Variants in NDUFAF5 observed in about 807,000 individuals in gnomAD.
NDUFAF5 encodes arginine-hydroxylase NDUFAF5, mitochondrial.
NDUFAF5 carries 34 observed loss-of-function variants against 48.9 expected under a neutral mutation model. That is an observed-to-expected ratio of 0.70 (90% CI 0.53 to 0.93). NDUFAF5 has a LOEUF of 0.93. Ranked by LOEUF, NDUFAF5 falls within the 40% of genes least tolerant of loss-of-function variation. NDUFAF5 has a pLI of 0.00. For synonymous variants in NDUFAF5, 153 were observed against 150.6 expected, an observed-to-expected ratio of 1.02 and a Z score of -0.12; for missense variants, 428 against 427.5, an observed-to-expected ratio of 1.00 and a Z score of -0.01.
At chr20:13,792,661 G>C (rs571365740) in intron 3 of NDUFAF5, among the ~76,000 whole-genome samples, 1 of 152,150 alleles carries the variant, frequency 6.6e-6, no homozygotes, top group Non-Finnish European at 1.5e-5. Flanking sequence ...GAGATGGAGA[G>C]AGCAGGATCC....
At chr20:13,816,440 A>G in intron 8 of NDUFAF5, 23 bp from the exon 9 acceptor site, 1 of 1,575,614 alleles carries the variant, frequency 6.3e-7, no homozygotes, top group South Asian at 1.1e-5. Context: ...TATTATCTCA[A>G]ACTACCTGTA....
rs1453177934 is a variant in NDUFAF5, at chr20:13,818,120, G to A, written c.*910G>A. 4 of 453,958 alleles carry A rather than the reference G, an allele frequency of 8.8e-6. No homozygotes were observed. The highest frequency in any genetic ancestry group is 1.3e-5 in the Non-Finnish European group (3 of 226,784). The allele number at this position is 453,958 out of a possible 1,614,324, so 28.1% of individuals were successfully genotyped here. A position where few individuals can be genotyped will look rare whatever the true frequency, so the allele number is the denominator to read the frequency against. ...TAGCATTTCCTTCTGTCTCCTCTCA[G>A]TCTCTCTTCTGCCTTCCTTCCCTCC... On this transcript the variant is annotated 3_prime_UTR_variant, in exon 11 of 11. Coordinates refer to ENST00000378106, the MANE Select transcript of NDUFAF5 (RefSeq NM_024120.5).
At position 13,817,533 on chromosome 20, in the gene NDUFAF5, A is replaced by G; in HGVS notation, c.*323A>G. ...CATGCTGACCTTTTACACCTTTTTC[A>G]TTTGTCATACTGTTTTCTTTGCCTT... On this transcript the variant is annotated 3_prime_UTR_variant, in exon 11 of 11. Transcript: ENST00000378106. 1 of 482,354 alleles carries G rather than the reference A, an allele frequency of 2.1e-6. No individual in the cohort carries two copies. The highest frequency in any genetic ancestry group is 4.1e-6 in the Non-Finnish European group (1 of 246,396). The allele number at this position is 482,354 out of a possible 1,614,324, so 29.9% of individuals were successfully genotyped here. A position where few individuals can be genotyped will look rare whatever the true frequency, so the allele number is the denominator to read the frequency against.
rs1600345787 is a variant in NDUFAF5, at chr20:13,797,497, A to G, written c.480-964A>G. 2.0e-5 allele frequency among the ~76,000 whole-genome samples: 3 copies of G among 152,230 alleles called. No individual in the cohort carries two copies. In the South Asian group the frequency reaches 6.2e-4, roughly 31 times the overall value. The stretch of plus-strand genomic sequence containing the variant: ...ACAGAAGCTAATCTGAAAAGGCTAC[A>G]TAGTGTGTAATTCCAACTGTGACAA... On this transcript the variant is annotated intron_variant, in intron 5 of 10. Transcript: ENST00000378106.
In NDUFAF5 at chr20:13,819,600, C is replaced by G. The variant is rs1986843745; in HGVS notation, c.*2390C>G. 1.3e-5 allele frequency: 2 copies of G among 152,342 alleles called. No individual in the cohort carries two copies. Among genetic ancestry groups the G allele is most frequent in the Admixed American group, 1.3e-4 (2 of 15,272 alleles). 9.4% of individuals were successfully genotyped at this position (152,342 alleles called of 1,614,324 possible). A position where few individuals can be genotyped will look rare whatever the true frequency, so the allele number is the denominator to read the frequency against. ...GCCAGGATGGTCTCAATCTCTTGACCTTGTGATCTGCCCACCTTGGCTTCC... is the reference window on the plus strand; with the variant it reads ...GCCAGGATGGTCTCAATCTCTTGACGTTGTGATCTGCCCACCTTGGCTTCC... On this transcript the variant is annotated 3_prime_UTR_variant, in exon 11 of 11. Coordinates refer to ENST00000378106, the MANE Select transcript of NDUFAF5 (RefSeq NM_024120.5).
At chr20:13,808,708 A>G in intron 7 of NDUFAF5, 134 bp from the exon 8 acceptor site, 2 of 628,764 alleles carry the variant, frequency 3.2e-6, no homozygotes, top group Non-Finnish European at 5.6e-6. Context: ...GCCAGATGAC[A>G]TCTATGAAGA....
chr20:13,816,015 TC>T (rs1158121465), intron 8 of NDUFAF5: 1 of 215,704 alleles, frequency 4.6e-6, no homozygotes, highest in African/African-American at 2.2e-5. Context: ...AAAGCCGTCT[TC>T]CAAGTTTCAC....
chr20:13,801,850 A>G (rs1383147108), intron 7 of NDUFAF5, 167 bp downstream of exon 7: 2 of 614,278 alleles, frequency 3.3e-6, no homozygotes, highest in Non-Finnish European at 5.7e-6. Flanking sequence ...TTTAGTTTGT[A>G]TAACACATCT....
rs1986563106 is a variant in NDUFAF5, at chr20:13,817,102, T to A, written c.946-16T>A. 6.2e-7 allele frequency: 1 copy of A among 1,609,938 alleles called. No homozygotes were observed. Among genetic ancestry groups the A allele is most frequent in the Middle Eastern group, 1.7e-4 (1 of 6,052 alleles). On this transcript the variant is annotated splice_polypyrimidine_tract_variant and intron_variant, in intron 10 of 10. Transcript: ENST00000378106. ...ATCTATCTATTTCTAATATCTTTAA[T>A]CTTTATTATTTTCAGGCAAGACCAG...
rs920818329 is a variant in NDUFAF5 at position 13,820,851 on chromosome 20, T to C, written c.*3641T>C. 1 of 152,250 alleles carries C rather than the reference T, an allele frequency of 6.6e-6. No individual in the cohort carries two copies. Among genetic ancestry groups the C allele is most frequent in the African/African-American group, 2.4e-5 (1 of 41,476 alleles). The allele number at this position is 152,250 out of a possible 1,614,324, so 9.4% of individuals were successfully genotyped here. A position where few individuals can be genotyped will look rare whatever the true frequency, so the allele number is the denominator to read the frequency against. ...AGATAGTTGATGCAGTGATTATTAT[T>C]CTGTTCCTTTGTAAGTTACCATTAG... On this transcript the variant is annotated 3_prime_UTR_variant, in exon 11 of 11. Coordinates refer to ENST00000378106, the MANE Select transcript of NDUFAF5 (RefSeq NM_024120.5).
At chr20:13,809,148 G>A in intron 8 of NDUFAF5, 1 of 542,786 alleles carries the variant, frequency 1.8e-6, no homozygotes, top group Non-Finnish European at 3.3e-6. Context: ...TATGGTCAGT[G>A]CTATGAAGTA....
chr20:13,798,681 G>A (rs1310957652), intron 6 of NDUFAF5, among the ~76,000 whole-genome samples, 181 bp downstream of exon 6: 1 of 152,160 alleles, frequency 6.6e-6, no homozygotes, highest in African/African-American at 2.4e-5. Flanking sequence ...TCCTTTCCCT[G>A]AGAATTTAAG....
intron 8 of NDUFAF5, among the ~76,000 whole-genome samples, chr20:13,810,578 AAG>A (rs952954267): frequency 1.1e-4 from 17 of 151,964 alleles, no homozygotes; most frequent in African/African-American, 4.1e-4. Flanking sequence ...CAGGTGTCAG[AAG>A]AGAGGAGAGG....
intron 8 of NDUFAF5, among the ~76,000 whole-genome samples, chr20:13,812,365 T>A (rs1204422784): frequency 6.6e-6 from 1 of 152,162 alleles, no homozygotes; most frequent in Non-Finnish European, 1.5e-5. Context: ...TTCCCCAGCA[T>A]ACCCCAAGGA....
chr20:13,814,616 A>G, intron 8 of NDUFAF5: 2 of 559,190 alleles, frequency 3.6e-6, no homozygotes, highest in Admixed American at 2.5e-5. Flanking sequence ...CACCTTAAAA[A>G]CACTGTGAGA....
chr20:13,793,210 A>T lies in NDUFAF5; in HGVS notation c.358A>T (p.Ile120Phe). The part of the protein sequence containing the change: ...ETIGKFFQAD[I>F]AENALKNSSE... ...TATTGGAAAGTTTTTCCAAGCTGAC[A>T]TTGCAGAAAATGCTTTGGTAGGTAG... The change falls in exon 4 of 11, where the codon ATT becomes TTT. Residue 120 changes from isoleucine to phenylalanine, a missense_variant. By Grantham distance (21) the Ile-to-Phe change is conservative. Transcript: ENST00000378106. 6.2e-7 allele frequency: 1 copy of T among 1,613,850 alleles called. No homozygotes were observed. Among genetic ancestry groups the T allele is most frequent in the Non-Finnish European group, 8.5e-7 (1 of 1,179,878 alleles).
At chr20:13,806,771 G>T (rs2147583306) in intron 7 of NDUFAF5, among the ~76,000 whole-genome samples, 3 of 152,302 alleles carry the variant, frequency 2.0e-5, no homozygotes, top group Middle Eastern at 6.8e-3. Context: ...AATGTTCATG[G>T]TCTCACTACC....
In NDUFAF5 at chr20:13,818,183, CTG is replaced by C. The variant is rs1378881308; in HGVS notation, c.*979_*980del. The C allele has an allele frequency of 2.2e-6, 1 of 454,030 alleles. No individual in the cohort carries two copies. Among genetic ancestry groups the C allele is most frequent in the Non-Finnish European group, 4.4e-6 (1 of 226,782 alleles). 28.1% of individuals were successfully genotyped at this position (454,030 alleles called of 1,614,324 possible). On this transcript the variant is annotated 3_prime_UTR_variant, in exon 11 of 11. Transcript: ENST00000378106. ...GCAACAAGCTGTCCATGGGTGGGGG[CTG>C]TGTGTTAGCCTGTACGTAGCACATG... is the stretch of plus-strand genomic sequence containing the variant.
chr20:13,806,151 A>G (rs116068443), intron 7 of NDUFAF5, among the ~76,000 whole-genome samples: 1,730 of 152,302 alleles, frequency 0.011, 31 homozygotes, highest in African/African-American at 0.04. Flanking sequence ...TTTTCAGAGA[A>G]TGAGCATTCT....
Sources: allele counts gnomAD v4.1 joint callset (sites outside exome capture counted in the v4.1 genomes callset), GRCh38; gene constraint gnomAD v4.1.1; transcripts MANE v1.5; gene names NCBI Gene and HGNC (gene_info 2026-07-23, HGNC 2026-07-21).